ATF6B: variants seen among roughly 807,000 people sequenced by gnomAD.
The protein encoded by ATF6B is cyclic AMP-dependent transcription factor ATF-6 beta.
In ATF6B, 50 loss-of-function variants were observed where a neutral mutation model predicts 83.5. The ratio of observed to expected loss-of-function variants is 0.60; its 90% confidence interval spans 0.48 to 0.76. The LOEUF is 0.76. Ranked by LOEUF, ATF6B falls within the 30% of genes least tolerant of loss-of-function variation. The pLI, the probability that ATF6B is intolerant of heterozygous loss-of-function variation, is 0.00. For missense variants in ATF6B, 790 were observed against 893.8 expected (o/e 0.88, Z 1.48); for synonymous variants, 344 against 362.8 (o/e 0.95, Z 0.59).
At chr6:32,127,620 G>C (rs557134611) in intron 2 of ATF6B, 51 bp downstream of exon 2, 534 of 1,612,722 alleles carry the variant, frequency 3.3e-4, no homozygotes, top group South Asian at 2.4e-3. Flanking sequence ...TCCAGGTTCT[G>C]GGCTCACTTT....
In ATF6B at chr6:32,116,328, A is replaced by C; in HGVS notation, c.1882+152T>G. 1 of 721,782 alleles carries C rather than the reference A, an allele frequency of 1.4e-6. No individual in the cohort carries two copies. The highest frequency in any genetic ancestry group is 1.9e-5 in the South Asian group (1 of 52,656). 44.7% of individuals were successfully genotyped at this position (721,782 alleles called of 1,614,324 possible). On this transcript the variant is annotated intron_variant, in intron 17 of 17. Transcript: ENST00000375203. This position sits in a 1 kb window ranked among gnomAD's most constrained non-coding sequence, Gnocchi z 5.1. ...CTTGTCTCCCTCCCAAGTCTCCTGC[A>C]TGGTGCTCTTCCCTCCACCTACTTC...
At position 32,120,912 on chromosome 6, in the gene ATF6B, G is replaced by C. The variant is rs778460759; in HGVS notation, c.701-10C>G. The C allele has an allele frequency of 6.5e-6, 10 of 1,528,504 alleles. No homozygotes were observed. The highest frequency in any genetic ancestry group is 7.9e-6 in the Non-Finnish European group (9 of 1,139,172). The allele number at this position is 1,528,504 out of a possible 1,614,324, so 94.7% of individuals were successfully genotyped here. Reference sequence around the variant, plus strand: ...GTGGGCAGGGCTTTGCCTGAAGGAAGGTGAGAGAAAAGAACAAGAAATGTC... The same window carrying C: ...GTGGGCAGGGCTTTGCCTGAAGGAACGTGAGAGAAAAGAACAAGAAATGTC... On this transcript the variant is annotated splice_polypyrimidine_tract_variant and intron_variant, in intron 7 of 17. Coordinates refer to ENST00000375203, the MANE Select transcript of ATF6B (RefSeq NM_004381.5).
chr6:32,116,038 A>G lies in ATF6B; in HGVS notation c.1883-70T>C, dbSNP rs1413725032. 5.0e-6 allele frequency: 6 copies of G among 1,198,234 alleles called. No homozygotes were observed. Among genetic ancestry groups the G allele is most frequent in the Non-Finnish European group, 7.2e-6 (6 of 834,308 alleles). 74.2% of individuals were successfully genotyped at this position (1,198,234 alleles called of 1,614,324 possible). A position where few individuals can be genotyped will look rare whatever the true frequency, so the allele number is the denominator to read the frequency against. On this transcript the variant is annotated intron_variant, in intron 17 of 17. Transcript: ENST00000375203. This position sits in a 1 kb window ranked among gnomAD's most constrained non-coding sequence, Gnocchi z 5.1. ...CAGGGATTGCAGGGAGGAGGGGAGG[A>G]GGTCAGAAAAGTAGAGGTGAGCAGA...
At chr6:32,126,440 G>A (rs1392938458) in intron 4 of ATF6B, among the ~76,000 whole-genome samples, 188 bp from the exon 5 acceptor site, 2 of 152,198 alleles carry the variant, frequency 1.3e-5, no homozygotes, top group Non-Finnish European at 1.5e-5. Flanking sequence ...TTATTTCTGG[G>A]AGAATTGATG....
intron 5 of ATF6B, among the ~76,000 whole-genome samples, chr6:32,124,100 T>G (rs541383978): frequency 1.2e-4 from 19 of 152,136 alleles, no homozygotes; most frequent in Non-Finnish European, 1.8e-4. Context: ...CTCAGGAGGC[T>G]GAGGCAGGAG....
rs1483376976 is a variant in ATF6B, at chr6:32,118,996, T to C, written c.1112A>G (p.Asn371Ser). 1 of 1,614,014 alleles carries C rather than the reference T, an allele frequency of 6.2e-7. No individual in the cohort carries two copies. The highest frequency in any genetic ancestry group is 2.2e-5 in the East Asian group (1 of 44,890). The change falls in exon 10 of 18, where the codon AAT becomes AGT. Residue 371 changes from asparagine (N) to serine (S), a missense_variant. Coordinates refer to ENST00000375203, the MANE Select transcript of ATF6B (RefSeq NM_004381.5). This position sits in a 1 kb window ranked among gnomAD's most constrained non-coding sequence, Gnocchi z 5.2. ...CTCCAGCCGCCGCCGGAGGGCAGCA[T>C]TCTCTCGGCGGAGCTGCTGGTTGTC... ...LADNQQLRRE[N>S]AALRRRLEAL...
chr6:32,118,123 T>A lies in ATF6B; in HGVS notation c.1245-85A>T. The A allele has an allele frequency of 6.6e-7, 1 of 1,508,238 alleles. No individual in the cohort carries two copies. Among genetic ancestry groups the A allele is most frequent in the Non-Finnish European group, 9.1e-7 (1 of 1,095,518 alleles). 93.4% of individuals were successfully genotyped at this position (1,508,238 alleles called of 1,614,324 possible). On this transcript the variant is annotated intron_variant, in intron 11 of 17. Coordinates refer to ENST00000375203, the MANE Select transcript of ATF6B (RefSeq NM_004381.5). The surrounding 1 kb of genome is among the most constrained non-coding windows in gnomAD (Gnocchi z 5.2). Reference sequence around the variant, plus strand: ...AAGAATAAAGACTCTGCAGATGGACTGCTTGAGTTGCAATCTGTTATACAA... The same window carrying A: ...AAGAATAAAGACTCTGCAGATGGACAGCTTGAGTTGCAATCTGTTATACAA...
In ATF6B at chr6:32,119,425, T is replaced by C. The variant is rs1046601520; in HGVS notation, c.967-284A>G. Among the ~76,000 whole-genome samples the C allele has an allele frequency of 6.6e-6, 1 of 152,224 alleles. No individual in the cohort carries two copies. Among genetic ancestry groups the C allele is most frequent in the Non-Finnish European group, 1.5e-5 (1 of 68,036 alleles). ...AAACTCTTTCCTTCGTAACTCTTTCTTCCTGTCAGCCCACATTTGTAGGGT... is the reference window on the plus strand; with the variant it reads ...AAACTCTTTCCTTCGTAACTCTTTCCTCCTGTCAGCCCACATTTGTAGGGT... On this transcript the variant is annotated intron_variant, in intron 9 of 17. Coordinates refer to ENST00000375203, the MANE Select transcript of ATF6B (RefSeq NM_004381.5). The surrounding 1 kb of genome is among the most constrained non-coding windows in gnomAD (Gnocchi z 4.9).
At position 32,127,092 on chromosome 6, in the gene ATF6B, G is replaced by A. The variant is rs1434399269; in HGVS notation, c.342+11C>T. On this transcript the variant is annotated intron_variant, in intron 4 of 17. Transcript: ENST00000375203. ...CCGTCACAGAGAGTAAGAGGGATAT[G>A]GCTCTCTCACCTCGCTGGATGGCTC... 1.3e-6 allele frequency: 2 copies of A among 1,574,816 alleles called. No homozygotes were observed. Among genetic ancestry groups the A allele is most frequent in the Admixed American group, 1.9e-5 (1 of 53,074 alleles).
In ATF6B at chr6:32,118,976, G is replaced by C; in HGVS notation, c.1132C>G (p.Leu378Val). The C allele has an allele frequency of 1.9e-6, 3 of 1,614,042 alleles. No homozygotes were observed. The highest frequency in any genetic ancestry group is 2.5e-6 in the Non-Finnish European group (3 of 1,179,900). ...RRENAALRRRLEALLAENSEL... is the reference protein window; with the variant it reads ...RRENAALRRRVEALLAENSEL... Reference sequence around the variant, plus strand: ...CTTACTTCAGCCAGCAGGGCCTCCAGCCGCCGCCGGAGGGCAGCATTCTCT... The same window carrying C: ...CTTACTTCAGCCAGCAGGGCCTCCACCCGCCGCCGGAGGGCAGCATTCTCT... Residue 378 changes from leucine (L) to valine (V), a missense_variant, in exon 10 of 18, where the codon CTG becomes GTG. Leu to Val is a conservative substitution (Grantham distance 32, BLOSUM62 1). Around this residue, in one of 3 missense-constraint regions of ATF6B, gnomAD observed 530 missense variants for 632.6 expected, o/e 0.84. Coordinates refer to ENST00000375203, the MANE Select transcript of ATF6B (RefSeq NM_004381.5). The surrounding 1 kb of genome is among the most constrained non-coding windows in gnomAD (Gnocchi z 5.2).
chr6:32,128,130 G>A lies in ATF6B; in HGVS notation c.78C>T (p.Asp26=), dbSNP rs947897218. ...FFTDNLLSPE[D]WGLQNSTLYS... is the part of the protein sequence containing the mutation. ...CCGGTGCCTCACTCTGCAGACCCCA[G>A]TCCTCCGGGCTAAGCAGGTTGTCGG... is the stretch of plus-strand genomic sequence containing the variant. Residue 26 remains aspartate (D), a synonymous_variant, in exon 1 of 18, where the codon GAC becomes GAT. Coordinates refer to ENST00000375203, the MANE Select transcript of ATF6B (RefSeq NM_004381.5). The A allele has an allele frequency of 6.2e-6, 10 of 1,613,072 alleles. No individual in the cohort carries two copies. The highest frequency in any genetic ancestry group is 7.6e-6 in the Non-Finnish European group (9 of 1,179,964).
intron 3 of ATF6B, 107 bp from the exon 4 acceptor site, chr6:32,127,301 GA>G: frequency 7.3e-7 from 1 of 1,371,988 alleles, no homozygotes; most frequent in African/African-American, 1.5e-5. Context: ...CAAGGGAGAA[GA>G]AACAAAAATA....
rs1368688317 is a variant in ATF6B, at chr6:32,119,359, G to A, written c.967-218C>T. On this transcript the variant is annotated intron_variant, in intron 9 of 17. Coordinates refer to ENST00000375203, the MANE Select transcript of ATF6B (RefSeq NM_004381.5). The surrounding 1 kb of genome is among the most constrained non-coding windows in gnomAD (Gnocchi z 4.9). ...CCCTGCTACTGCTCCTCAGAGGTGGGAAAGGTTAGAGTGTGGGAAGAACTT... is the reference window on the plus strand; with the variant it reads ...CCCTGCTACTGCTCCTCAGAGGTGGAAAAGGTTAGAGTGTGGGAAGAACTT... Among the ~76,000 whole-genome samples, 2 of 152,208 alleles carry A rather than the reference G, an allele frequency of 1.3e-5. No homozygotes were observed. The highest frequency in any genetic ancestry group is 4.8e-5 in the African/African-American group (2 of 41,456).
In ATF6B at chr6:32,117,881, G is replaced by A. The variant is rs35104800; in HGVS notation, c.1402C>T (p.Pro468Ser). Residue 468 changes from proline (P) to serine (S), a missense_variant, in exon 12 of 18, where the codon CCC becomes TCC. Pro to Ser is a moderately conservative substitution (Grantham distance 74). This residue lies in a region of ATF6B where 530 missense variants were observed against 632.6 expected (regional missense o/e 0.84). Coordinates refer to ENST00000375203, the MANE Select transcript of ATF6B (RefSeq NM_004381.5). This position sits in a 1 kb window ranked among gnomAD's most constrained non-coding sequence, Gnocchi z 5.0. ...CACCTGAAACTGGGCTGGTCTGTGG[G>A]GCTGGGCTGGGGCTCCTTAGGGCCC... ...SQGPKEPQPS[P>S]TDQPSFSNLT... The A allele has an allele frequency of 2.5e-6, 4 of 1,572,010 alleles. No homozygotes were observed. The highest frequency in any genetic ancestry group is 2.4e-5 in the South Asian group (2 of 83,144).
chr6:32,127,263 C>A (rs1166308610), intron 3 of ATF6B, 69 bp from the exon 4 acceptor site: 2 of 1,458,700 alleles, frequency 1.4e-6, no homozygotes, highest in Non-Finnish European at 1.9e-6. Context: ...TACCCAAGGA[C>A]ATGTCGGTGG....
At chr6:32,126,276 AG>A (rs1385893526) in intron 4 of ATF6B, 24 bp from the exon 5 acceptor site, 1 of 1,611,030 alleles carries the variant, frequency 6.2e-7, no homozygotes, top group Non-Finnish European at 8.5e-7. Flanking sequence ...GGTGTGGGGC[AG>A]GGGGCAGAAA....
intron 5 of ATF6B, among the ~76,000 whole-genome samples, chr6:32,123,202 T>C (rs892047582): frequency 3.5e-5 from 4 of 114,332 alleles, no homozygotes; most frequent in Non-Finnish European, 6.6e-5. Context: ...CACTCTAGCC[T>C]GGGTGACAGG....
chr6:32,119,132 G>T lies in ATF6B; in HGVS notation c.976C>A (p.Leu326Met). ...TTGATCATTCGCTGCTGCCGCTTCA[G>T]CAGCTTTGCCTAGGCACCCGGAAGG... is the stretch of plus-strand genomic sequence containing the variant. Reference protein sequence around the residue: ...SCPPEVDAKLLKRQQRMIKNR... With the variant: ...SCPPEVDAKLMKRQQRMIKNR... The change falls in exon 10 of 18, where the codon CTG (leucine) becomes ATG (methionine). Residue 326 changes from leucine (L) to methionine (M), a missense_variant. Leu to Met is a conservative substitution (Grantham distance 15, BLOSUM62 2). Around this residue, in one of 3 missense-constraint regions of ATF6B, gnomAD observed 530 missense variants for 632.6 expected, o/e 0.84. Transcript: ENST00000375203. This position sits in a 1 kb window ranked among gnomAD's most constrained non-coding sequence, Gnocchi z 4.9. The T allele has an allele frequency of 6.2e-7, 1 of 1,610,450 alleles. No homozygotes were observed. The highest frequency in any genetic ancestry group is 8.5e-7 in the Non-Finnish European group (1 of 1,179,294).
At chr6:32,123,170 G>A (rs1781831579) in intron 5 of ATF6B, among the ~76,000 whole-genome samples, 1 of 137,506 alleles carries the variant, frequency 7.3e-6, no homozygotes, top group African/African-American at 2.8e-5. Flanking sequence ...GGAGGTTGCA[G>A]TGAGTGGAGA....
Sources: allele counts gnomAD v4.1 joint callset (sites outside exome capture counted in the v4.1 genomes callset), GRCh38; gene constraint gnomAD v4.1.1; regional missense constraint gnomAD v4.1.1; non-coding constraint Gnocchi (gnomAD v3.1); transcripts MANE v1.5; gene names NCBI Gene and HGNC (gene_info 2026-07-23, HGNC 2026-07-21).